PDHA1: variants seen among roughly 807,000 people sequenced by gnomAD.
The protein encoded by PDHA1 is pyruvate dehydrogenase E1 subunit alpha 1.
A neutral mutation model predicts 33.0 loss-of-function variants in PDHA1; 1 was observed. That is an observed-to-expected ratio of 0.03 (90% confidence interval 0.01 to 0.14). PDHA1 has a LOEUF of 0.14. PDHA1 is among the 10% of genes least tolerant of loss of function. The pLI is 1.00. For missense variants in PDHA1, 168 were observed against 325.1 expected, an observed-to-expected ratio of 0.52 and a Z score of 3.72; for synonymous variants, 123 against 119.2, an observed-to-expected ratio of 1.03 and a Z score of -0.21.
rs1296385542 is a variant in PDHA1 at position 19,359,669 on chromosome X, A to AGGTTAT, written c.*17_*22dup. On this transcript the variant is annotated 3_prime_UTR_variant, in exon 11 of 11. Coordinates refer to ENST00000422285, the MANE Select transcript of PDHA1 (RefSeq NM_000284.4). ...AGTCAGTTAAGGGGAGGAGAAGGAG[A>AGGTTAT]GGTTATACCTTCAGGGGGCTACCAG... The AGGTTAT allele has an allele frequency of 8.4e-7, 1 of 1,186,861 alleles. No homozygotes were observed. The highest frequency in any genetic ancestry group is 1.1e-6 in the Non-Finnish European group (1 of 874,747).
chrX:19,352,963 C>A (rs964704085), intron 4 of PDHA1, 119 bp from the exon 5 acceptor site: 10 of 600,839 alleles, frequency 1.7e-5, no homozygotes, highest in East Asian at 1.3e-4. Flanking sequence ...GGTACTTAGA[C>A]GACTGAACTG....
chrX:19,356,629 TC>T (rs1414476718), intron 8 of PDHA1, among the ~76,000 whole-genome samples: 2 of 111,586 alleles, frequency 1.8e-5, no homozygotes, highest in Non-Finnish European at 3.8e-5. Context: ...CTCTCCCAAT[TC>T]CTGAAAAGAA....
chrX:19,351,460 T>C, intron 4 of PDHA1, 53 bp downstream of exon 4: 1 of 1,047,640 alleles, frequency 9.5e-7, no homozygotes, highest in East Asian at 3.0e-5. Context: ...TTTTTAAATA[T>C]CTGTCATTAA....
At chrX:19,351,491 T>C (rs761248169) in intron 4 of PDHA1, 84 bp downstream of exon 4, 1 of 891,734 alleles carries the variant, frequency 1.1e-6, no homozygotes, top group African/African-American at 2.0e-5. Context: ...TGAGTTAATA[T>C]TTGTTAAAAA....
Position 19,354,655 on chromosome X carries a change from AAAG to A in PDHA1, c.603+76_603+78del, listed in dbSNP as rs796247061. 1.0e-3 allele frequency: 738 copies of A among 707,371 alleles called. 2 individuals carry two copies. The South Asian group carries it at 0.015, about 15-fold the overall frequency. 58.3% of individuals were successfully genotyped at this position (707,371 alleles called of 1,213,427 possible). On this transcript the variant is annotated intron_variant, in intron 6 of 10. Coordinates refer to ENST00000422285, the MANE Select transcript of PDHA1 (RefSeq NM_000284.4). ...CTTTAATATTTACAGTTGAATTTCT[AAAG>A]AAGTAGCATATTGCTTATTAGGTGA...
intron 1 of PDHA1, among the ~76,000 whole-genome samples, chrX:19,344,840 C>A (rs2063120303): frequency 8.9e-6 from 1 of 111,959 alleles, no homozygotes; most frequent in African/African-American, 3.3e-5. Flanking sequence ...TCTTGAACAC[C>A]TGTGCTCAGT....
intron 2 of PDHA1, 136 bp from the exon 3 acceptor site, chrX:19,349,801 A>G: frequency 3.8e-6 from 2 of 519,702 alleles, no homozygotes; most frequent in South Asian, 5.2e-5. Context: ...AACAGAGGCG[A>G]TATGAAGCAT....
rs752678074 is a variant in PDHA1, at chrX:19,349,352, A to T, written c.98A>T (p.Asp33Val). The change falls in exon 2 of 11, where the codon GAT becomes GTT. Residue 33 changes from aspartate to valine, a missense_variant. By Grantham distance (152) the Asp-to-Val change is radical (BLOSUM62 -3). This residue lies in a region of PDHA1 where 46 missense variants were observed against 47.4 expected (regional missense o/e 0.97). Coordinates refer to ENST00000422285, the MANE Select transcript of PDHA1 (RefSeq NM_000284.4). ...GTAGCATCCCGTAATTTTGCAAATG[A>T]TGCTACATTTGAAATTAAGGTAAGA... ...VLVASRNFAN[D>V]ATFEIKKCDL... 1.4e-5 allele frequency: 16 copies of T among 1,174,914 alleles called. No homozygotes were observed. The highest frequency in any genetic ancestry group is 1.8e-5 in the African/African-American group (1 of 56,760).
intron 9 of PDHA1, among the ~76,000 whole-genome samples, chrX:19,358,691 C>CAGTT (rs1211612884): frequency 1.5e-4 from 17 of 111,869 alleles, no homozygotes; most frequent in Admixed American, 1.2e-3. Context: ...AAGACAGAAG[C>CAGTT]AGTTATTACA....
intron 3 of PDHA1, 64 bp from the exon 4 acceptor site, chrX:19,351,217 G>C (rs945421790): frequency 2.2e-5 from 25 of 1,120,318 alleles, no homozygotes; most frequent in Non-Finnish European, 2.9e-5. Context: ...CTGTGGTCTA[G>C]GAAACGTTTT....
chrX:19,355,882 G>A, intron 8 of PDHA1, 125 bp downstream of exon 8: 1 of 557,646 alleles, frequency 1.8e-6, no homozygotes, highest in Middle Eastern at 4.8e-4. Context: ...TGGAAGCAGA[G>A]TGAAGGGAGC....
At chrX:19,352,650 C>T (rs150798585) in intron 4 of PDHA1, among the ~76,000 whole-genome samples, 1 of 112,516 alleles carries the variant, frequency 8.9e-6, no homozygotes, top group Non-Finnish European at 1.9e-5. Flanking sequence ...CCTTCCATAT[C>T]TTCGGGTTTG....
chrX:19,355,237 GGCTTTCTGTGCTTTATGAAA>G (rs1467902314), intron 6 of PDHA1, 92 bp from the exon 7 acceptor site: 9 of 933,200 alleles, frequency 9.6e-6, no homozygotes, highest in South Asian at 4.0e-5. Context: ...TAGAAGAGGA[GGCTTTCTGTGCTTTATGAAA>G]GCTTTCTGTG....
At chrX:19,347,050 C>T (rs897311525) in intron 1 of PDHA1, among the ~76,000 whole-genome samples, 8 of 110,419 alleles carry the variant, frequency 7.2e-5, no homozygotes, top group African/African-American at 9.9e-5. Flanking sequence ...GCCACCATAC[C>T]TGACTAATTT....
At chrX:19,352,949 G>A in intron 4 of PDHA1, 133 bp from the exon 5 acceptor site, 1 of 572,609 alleles carries the variant, frequency 1.7e-6, no homozygotes. Flanking sequence ...TGCCTGGAGG[G>A]ACAGGTACTT....
At chrX:19,358,853 A>G in intron 9 of PDHA1, 63 bp from the exon 10 acceptor site, 1 of 638,305 alleles carries the variant, frequency 1.6e-6, no homozygotes, top group South Asian at 2.2e-5. Flanking sequence ...ATGTTTCATC[A>G]CGCCGTCCTT....
At chrX:19,349,197 T>C in intron 1 of PDHA1, 115 bp from the exon 2 acceptor site, 1 of 541,102 alleles carries the variant, frequency 1.8e-6, no homozygotes, top group Non-Finnish European at 3.3e-6. Context: ...AGCCTATGAA[T>C]ATGTTGGGGC....
chrX:19,361,567 A>C lies in PDHA1; in HGVS notation c.*1914A>C. The C allele has an allele frequency of 8.3e-7, 1 of 1,210,253 alleles. No homozygotes were observed. The highest frequency in any genetic ancestry group is 2.3e-4 in the Middle Eastern group (1 of 4,349). On this transcript the variant is annotated 3_prime_UTR_variant, in exon 11 of 11. Coordinates refer to ENST00000422285, the MANE Select transcript of PDHA1 (RefSeq NM_000284.4). Reference sequence around the variant, plus strand: ...AGCTCTTTATCTGTTCTCTGCCCGTAGGGGCCTGCTGGGTTCTCTGTAATA... The same window carrying C: ...AGCTCTTTATCTGTTCTCTGCCCGTCGGGGCCTGCTGGGTTCTCTGTAATA...
At chrX:19,345,751 C>CG (rs984790209) in intron 1 of PDHA1, 1 of 260,863 alleles carries the variant, frequency 3.8e-6, no homozygotes, top group African/African-American at 3.2e-5. Context: ...AGGGTCCCCC[C>CG]CCCCCCGCCA....
Sources: allele counts gnomAD v4.1 joint callset (sites outside exome capture counted in the v4.1 genomes callset), GRCh38; gene constraint gnomAD v4.1.1; regional missense constraint gnomAD v4.1.1; transcripts MANE v1.5; gene names NCBI Gene and HGNC (gene_info 2026-07-23, HGNC 2026-07-21).